Variants in GABRG3 observed in about 807,000 individuals in gnomAD.
GABRG3 encodes the protein gamma-aminobutyric acid receptor subunit gamma-3.
In GABRG3, 25 loss-of-function variants were observed where a neutral mutation model predicts 48.8. The ratio of observed to expected loss-of-function variants is 0.51; its 90% CI spans 0.37 to 0.72. The LOEUF is 0.72. Ranked by LOEUF, GABRG3 falls within the 30% of genes least tolerant of loss-of-function variation. GABRG3 has a pLI of 0.00. For missense variants in GABRG3, 394 were observed against 577.9 expected (o/e 0.68, Z 3.26); for synonymous variants, 227 against 217.6 (o/e 1.04, Z -0.38).
intron 5 of GABRG3, among the ~76,000 whole-genome samples, chr15:27,413,652 G>A (rs1887864355): frequency 6.6e-6 from 1 of 152,106 alleles, no homozygotes; most frequent in Non-Finnish European, 1.5e-5. Flanking sequence ...ATAAGTTGTG[G>A]TTGATTTTAA....
chr15:27,394,090 T>G (rs1020399287), intron 5 of GABRG3, among the ~76,000 whole-genome samples: 5 of 152,224 alleles, frequency 3.3e-5, no homozygotes, highest in Non-Finnish European at 7.3e-5. Flanking sequence ...ATATTTAATG[T>G]AATGACAGAT....
intron 5 of GABRG3, among the ~76,000 whole-genome samples, chr15:27,350,705 A>T (rs1169776882): frequency 6.6e-6 from 1 of 152,116 alleles, no homozygotes; most frequent in African/African-American, 2.4e-5. Context: ...GAGCCTGGTG[A>T]GGAAGTCCCC....
intron 3 of GABRG3, among the ~76,000 whole-genome samples, chr15:27,131,758 C>G (rs1198820535): frequency 6.6e-6 from 1 of 152,022 alleles, no homozygotes; most frequent in Non-Finnish European, 1.5e-5. Flanking sequence ...ATTTACATTT[C>G]TACCTCATCA....
chr15:27,167,042 C>T (rs962972996), intron 3 of GABRG3, among the ~76,000 whole-genome samples: 5 of 152,274 alleles, frequency 3.3e-5, no homozygotes, highest in Admixed American at 2.0e-4. Context: ...ACTTCTTTAG[C>T]TATCAGCCCC....
intron 2 of GABRG3, among the ~76,000 whole-genome samples, chr15:27,024,699 T>C (rs1164596064): frequency 6.6e-6 from 1 of 152,196 alleles, no homozygotes; most frequent in Non-Finnish European, 1.5e-5. Flanking sequence ...GCCACTATTC[T>C]AATGCTTCAA....
chr15:27,031,640 A>G lies in GABRG3; in HGVS notation c.270+4819A>G, dbSNP rs188211840. ...CACCTACACATTTAAAACTGAAAAG[A>G]TGACATGCAGCCAGAGAAATCATAA... is the stretch of plus-strand genomic sequence containing the variant. On this transcript the variant is annotated intron_variant, in intron 3 of 9. Coordinates refer to ENST00000615808, the MANE Select transcript of GABRG3 (RefSeq NM_033223.5). Among the ~76,000 whole-genome samples the G allele has an allele frequency of 7.0e-4, 106 of 152,298 alleles. 1 individual carries two copies. The highest frequency in any genetic ancestry group is 1.1e-3 in the Non-Finnish European group (74 of 68,006).
chr15:27,491,106 G>A (rs892784360), intron 6 of GABRG3, among the ~76,000 whole-genome samples: 2 of 152,206 alleles, frequency 1.3e-5, no homozygotes, highest in African/African-American at 4.8e-5. Context: ...CTTGGCAGGG[G>A]TGCTCTCATG....
At chr15:26,981,945 G>A (rs1417239499) in intron 2 of GABRG3, among the ~76,000 whole-genome samples, 1 of 152,206 alleles carries the variant, frequency 6.6e-6, no homozygotes, top group Admixed American at 6.5e-5. Flanking sequence ...GAAGATGCGT[G>A]TCTAGTGCAG....
At chr15:27,026,632 C>T (rs1203558096) in intron 2 of GABRG3, 122 bp from the exon 3 acceptor site, 9 of 512,486 alleles carry the variant, frequency 1.8e-5, no homozygotes, top group Non-Finnish European at 3.0e-5. Flanking sequence ...AAAGAAAGCC[C>T]TGCTCATGTG....
chr15:27,500,548 C>G (rs1890597834), intron 6 of GABRG3, among the ~76,000 whole-genome samples: 1 of 152,234 alleles, frequency 6.6e-6, no homozygotes, highest in Non-Finnish European at 1.5e-5. Flanking sequence ...CCAGCACCAG[C>G]CAGACGTTAC....
chr15:27,126,288 G>A (rs963899743), intron 3 of GABRG3, among the ~76,000 whole-genome samples: 28 of 152,200 alleles, frequency 1.8e-4, no homozygotes, highest in African/African-American at 5.8e-4. Flanking sequence ...ACTGGGGCAC[G>A]GAGAGGCTCA....
chr15:27,268,903 G>T (rs1305658372), intron 3 of GABRG3, among the ~76,000 whole-genome samples: 3 of 152,118 alleles, frequency 2.0e-5, no homozygotes, highest in Admixed American at 6.5e-5. Flanking sequence ...AAGCCAGTTA[G>T]CTGGGACAAT....
intron 5 of GABRG3, among the ~76,000 whole-genome samples, chr15:27,471,357 C>T (rs1181095062): frequency 2.0e-5 from 3 of 152,226 alleles, no homozygotes; most frequent in South Asian, 2.1e-4. Context: ...ATGTTATTTA[C>T]GGGAGTAATT....
intron 3 of GABRG3, among the ~76,000 whole-genome samples, chr15:27,120,183 G>C (rs1276205074): frequency 6.6e-6 from 1 of 152,164 alleles, no homozygotes; most frequent in African/African-American, 2.4e-5. Flanking sequence ...TGCCAGATCT[G>C]CTTTTACATG....
intron 3 of GABRG3, among the ~76,000 whole-genome samples, chr15:27,260,707 C>T (rs1281388841): frequency 6.6e-6 from 1 of 152,120 alleles, no homozygotes; most frequent in African/African-American, 2.4e-5. Flanking sequence ...AGACAGTTGG[C>T]CTCCTTCCAG....
intron 3 of GABRG3, among the ~76,000 whole-genome samples, chr15:27,282,235 CTTCT>C (rs1379310590): frequency 1.3e-4 from 20 of 152,158 alleles, no homozygotes; most frequent in African/African-American, 4.8e-4. Flanking sequence ...GTTTGCTCAG[CTTCT>C]TTAACTGTAG....
At chr15:27,091,833 G>C (rs983709518) in intron 3 of GABRG3, among the ~76,000 whole-genome samples, 2 of 152,172 alleles carry the variant, frequency 1.3e-5, no homozygotes, top group South Asian at 4.1e-4. Flanking sequence ...GTACTGCATC[G>C]TGGGGCAGAG....
At chr15:27,055,973 A>G (rs1296923363) in intron 3 of GABRG3, among the ~76,000 whole-genome samples, 1 of 152,230 alleles carries the variant, frequency 6.6e-6, no homozygotes, top group African/African-American at 2.4e-5. Flanking sequence ...TGATACATGT[A>G]TACATTCTGC....
At chr15:27,410,730 A>AT (rs1323953974) in intron 5 of GABRG3, among the ~76,000 whole-genome samples, 1 of 151,506 alleles carries the variant, frequency 6.6e-6, no homozygotes. Flanking sequence ...TTTCTCCTTC[A>AT]TTTTTTTCCA....
Sources: allele counts gnomAD v4.1 joint callset (sites outside exome capture counted in the v4.1 genomes callset), GRCh38; gene constraint gnomAD v4.1.1; transcripts MANE v1.5; gene names NCBI Gene and HGNC (gene_info 2026-07-23, HGNC 2026-07-21).